Variants in CNGB3 observed in about 807,000 individuals in gnomAD.
The protein encoded by CNGB3 is cyclic nucleotide-gated channel beta-3.
CNGB3 carries 86 observed loss-of-function variants against 92.8 expected under a neutral mutation model. The ratio of observed to expected loss-of-function variants is 0.93; its 90% CI spans 0.78 to 1.11. CNGB3 has a LOEUF of 1.11. Among genes scored for constraint, CNGB3 ranks in the 50% least tolerant of loss-of-function variants. CNGB3 has a pLI of 0.00. For synonymous variants in CNGB3, 333 were observed against 332.7 expected (o/e 1.00, Z -0.01); for missense variants, 1,026 against 956.8 (o/e 1.07, Z -0.95).
At chr8:86,694,186 C>G (rs1237231030) in intron 3 of CNGB3, among the ~76,000 whole-genome samples, 1 of 139,432 alleles carries the variant, frequency 7.2e-6, no homozygotes, top group African/African-American at 2.7e-5. Flanking sequence ...TGACCCCCCC[C>G]ACCTCCCTCC....
intron 3 of CNGB3, among the ~76,000 whole-genome samples, chr8:86,705,012 A>C (rs567091459): frequency 6.6e-6 from 1 of 152,158 alleles, no homozygotes; most frequent in South Asian, 2.1e-4. Context: ...GCTGATTGGC[A>C]CGAAAAATTA....
At position 86,667,067 on chromosome 8, in the gene CNGB3, G is replaced by A; in HGVS notation, c.710C>T (p.Pro237Leu). The A allele has an allele frequency of 6.2e-7, 1 of 1,613,994 alleles. No homozygotes were observed. The highest frequency in any genetic ancestry group is 1.1e-5 in the South Asian group (1 of 91,080). The change falls in exon 6 of 18, where the codon CCA (proline) becomes CTA (leucine). Residue 237 changes from proline to leucine, a missense_variant. Coordinates refer to ENST00000320005, the MANE Select transcript of CNGB3 (RefSeq NM_019098.5). ...TTGATATGGGAAGACGAGGCGCAGT[G>A]GTATAAAACAGCAGTTCCAGTTATA... ...LAYNWNCCFI[P>L]LRLVFPYQTA...
chr8:86,682,973 A>G (rs182680193), intron 3 of CNGB3, among the ~76,000 whole-genome samples: 122 of 152,282 alleles, frequency 8.0e-4, no homozygotes, highest in African/African-American at 2.8e-3. Flanking sequence ...GTTTTTGACC[A>G]CTTAGAAATT....
intron 3 of CNGB3, among the ~76,000 whole-genome samples, chr8:86,691,476 T>C (rs569752092): frequency 1.7e-4 from 26 of 152,342 alleles, no homozygotes; most frequent in African/African-American, 6.0e-4. Flanking sequence ...GCTTTCAACT[T>C]TTCCCCATTC....
chr8:86,694,063 G>C (rs1487568051), intron 3 of CNGB3, among the ~76,000 whole-genome samples: 6 of 36,484 alleles, frequency 1.6e-4, no homozygotes, highest in Admixed American at 3.2e-4. Context: ...GGGGCGGCTG[G>C]CCGGGCGGGG....
chr8:86,703,246 CTTTATT>C (rs1401319547), intron 3 of CNGB3, among the ~76,000 whole-genome samples: 1 of 151,982 alleles, frequency 6.6e-6, no homozygotes, highest in Non-Finnish European at 1.5e-5. Flanking sequence ...ACATGGGACT[CTTTATT>C]TATCGCTTTA....
rs181137698 is a variant in CNGB3, at chr8:86,732,340, A to G, written c.212-5683T>C. Among the ~76,000 whole-genome samples the G allele has an allele frequency of 1.7e-4, 26 of 152,330 alleles. No individual in the cohort carries two copies. In the East Asian group the frequency reaches 4.6e-3, roughly 27 times the overall value. ...TGTCCACAGCTGGCTGGCAACCTCA[A>G]TGGTGGTCTGAAGGGCTCTGCTCAA... is the stretch of plus-strand genomic sequence containing the variant. On this transcript the variant is annotated intron_variant, in intron 2 of 17. Transcript: ENST00000320005.
At chr8:86,728,274 A>G (rs2131673371) in intron 2 of CNGB3, among the ~76,000 whole-genome samples, 1 of 152,276 alleles carries the variant, frequency 6.6e-6, no homozygotes, top group African/African-American at 2.4e-5. Flanking sequence ...GAAATATTGA[A>G]AGTTGTAGGA....
At chr8:86,683,739 A>C (rs1270504560) in intron 3 of CNGB3, among the ~76,000 whole-genome samples, 1 of 152,142 alleles carries the variant, frequency 6.6e-6, no homozygotes, top group African/African-American at 2.4e-5. Context: ...TCAAAGGAGA[A>C]AAGATAGCCT....
At chr8:86,657,541 G>A in intron 6 of CNGB3, 1 of 484,380 alleles carries the variant, frequency 2.1e-6, no homozygotes, top group Non-Finnish European at 4.2e-6. Context: ...AACCCTCCCT[G>A]GCCTCTTCTT....
chr8:86,632,928 TC>T, intron 10 of CNGB3, 35 bp from the exon 11 acceptor site: 5 of 1,592,058 alleles, frequency 3.1e-6, no homozygotes, highest in Non-Finnish European at 4.3e-6. Flanking sequence ...TTGCTTTTTT[TC>T]TATATCATCG....
intron 7 of CNGB3, among the ~76,000 whole-genome samples, chr8:86,650,006 A>C (rs915054961): frequency 6.6e-6 from 1 of 151,548 alleles, no homozygotes; most frequent in Non-Finnish European, 1.5e-5. Flanking sequence ...GATATTTTTC[A>C]AAAGAAGTTA....
At chr8:86,663,337 T>C (rs1202681243) in intron 6 of CNGB3, among the ~76,000 whole-genome samples, 1 of 152,218 alleles carries the variant, frequency 6.6e-6, no homozygotes, top group Non-Finnish European at 1.5e-5. Flanking sequence ...CTGCTATCTA[T>C]AAAGGAAATT....
chr8:86,614,534 T>C (rs981103699), intron 13 of CNGB3, among the ~76,000 whole-genome samples: 2 of 152,120 alleles, frequency 1.3e-5, no homozygotes, highest in Non-Finnish European at 2.9e-5. Context: ...CTGGGATCTG[T>C]AGGTAATGAA....
chr8:86,729,894 A>G (rs894166421), intron 2 of CNGB3, among the ~76,000 whole-genome samples: 3 of 152,210 alleles, frequency 2.0e-5, no homozygotes, highest in African/African-American at 7.2e-5. Context: ...TAGCTGCCCA[A>G]ATGAATAGTG....
At position 86,743,377 on chromosome 8, in the gene CNGB3, C is replaced by T. The variant is rs1349846659; in HGVS notation, c.129+122G>A. ...TAATGAAGATAAGCCCGACACAGTA[C>T]ATGTACCAGATGGTGCCAGGTAAAA... On this transcript the variant is annotated intron_variant, in intron 1 of 17. Transcript: ENST00000320005. 4 of 1,042,072 alleles carry T rather than the reference C, an allele frequency of 3.8e-6. No homozygotes were observed. The African/African-American group carries it at 6.3e-5, about 16-fold the overall frequency. 64.6% of individuals were successfully genotyped at this position (1,042,072 alleles called of 1,614,324 possible).
chr8:86,655,775 G>T (rs993827107), intron 6 of CNGB3, among the ~76,000 whole-genome samples: 8 of 152,192 alleles, frequency 5.3e-5, no homozygotes, highest in South Asian at 2.1e-4. Context: ...AATGTGTGAC[G>T]AGTGATAGAT....
chr8:86,705,841 AT>A (rs1392854730), intron 3 of CNGB3, among the ~76,000 whole-genome samples: 6 of 152,288 alleles, frequency 3.9e-5, no homozygotes, highest in Admixed American at 3.9e-4. Context: ...AGTTTAAATG[AT>A]GTGGATTATA....
intron 3 of CNGB3, among the ~76,000 whole-genome samples, chr8:86,711,014 T>G (rs1301485561): frequency 1.3e-5 from 2 of 152,212 alleles, no homozygotes; most frequent in Non-Finnish European, 2.9e-5. Context: ...TGTGTTTTGT[T>G]GGATCTATCA....
Sources: gnomAD v4.1 joint callset for allele counts (sites outside exome capture counted in the v4.1 genomes callset) on GRCh38, gnomAD v4.1.1 for gene constraint, MANE v1.5 for transcripts, NCBI Gene and HGNC (gene_info 2026-07-23, HGNC 2026-07-21) for gene names.